GSE1: variants seen among roughly 807,000 people sequenced by gnomAD.
The protein encoded by GSE1 is genetic suppressor element 1.
A neutral mutation model predicts 112.6 loss-of-function variants in GSE1; 32 were observed. That is an observed-to-expected ratio of 0.28 (90% CI 0.21 to 0.38). GSE1 has a LOEUF of 0.38. Ranked by LOEUF, GSE1 falls within the 10% of genes least tolerant of loss-of-function variation. GSE1 has a pLI of 1.00. For missense variants in GSE1, 2,348 were observed against 1,699.2 expected (o/e 1.38, Z -6.71); for synonymous variants, 1,115 against 735.6 (o/e 1.52, Z -8.35).
At chr16:85,295,512 C>T (rs1316403696) in intron 1 of GSE1, among the ~76,000 whole-genome samples, 1 of 152,256 alleles carries the variant, frequency 6.6e-6, no homozygotes, top group Non-Finnish European at 1.5e-5. Context: ...GCTGTCACGT[C>T]CATGCAGAAG....
intron 2 of GSE1, among the ~76,000 whole-genome samples, chr16:85,637,994 A>G (rs2050142551): frequency 6.6e-6 from 1 of 152,124 alleles, no homozygotes; most frequent in Non-Finnish European, 1.5e-5. Flanking sequence ...GAGCTGGCGC[A>G]CCCAGGGAAC....
chr16:85,414,151 C>T (rs59908020), intron 2 of GSE1, among the ~76,000 whole-genome samples: 4,270 of 152,264 alleles, frequency 0.028, 205 homozygotes, highest in African/African-American at 0.097. Context: ...CCCCATGGGC[C>T]CACGCTCCCC....
At chr16:85,238,178 C>G (rs1020125168) in intron 1 of GSE1, among the ~76,000 whole-genome samples, 1 of 152,152 alleles carries the variant, frequency 6.6e-6, no homozygotes, top group Non-Finnish European at 1.5e-5. Context: ...GAGGTGGCGT[C>G]CTGCTATTGA....
rs1178277693 is a variant in GSE1 at position 85,661,710 on chromosome 16, G to C, written c.2205G>C (p.Arg735Ser). The change falls in exon 9 of 16, where the codon AGG (arginine) becomes AGC (serine). Residue 735 changes from arginine to serine, a missense_variant. Physicochemically the swap from Arg to Ser is moderately radical, Grantham distance 110. Transcript: ENST00000253458. ...IYDEFLQQRR[R>S]LVSKLDLEER... ...ATGAGTTCCTGCAGCAGCGCCGGAG[G>C]CTGGTCAGCAAGCTGGACCTGGAGG... 1.3e-6 allele frequency: 2 copies of C among 1,594,996 alleles called. No individual in the cohort carries two copies. The highest frequency in any genetic ancestry group is 1.7e-6 in the Non-Finnish European group (2 of 1,170,928).
chr16:85,487,808 T>C (rs1457877287), intron 2 of GSE1, among the ~76,000 whole-genome samples: 1 of 152,224 alleles, frequency 6.6e-6, no homozygotes, highest in African/African-American at 2.4e-5. Context: ...AAGGCAGGCA[T>C]CTGTGTGACC....
At chr16:85,386,761 C>T (rs187380497) in intron 2 of GSE1, among the ~76,000 whole-genome samples, 2 of 152,350 alleles carry the variant, frequency 1.3e-5, no homozygotes, top group East Asian at 1.9e-4. Flanking sequence ...AACAGCTCCC[C>T]CGCCATGCTG....
At chr16:85,516,114 A>G (rs990370111) in intron 2 of GSE1, among the ~76,000 whole-genome samples, 6 of 152,164 alleles carry the variant, frequency 3.9e-5, no homozygotes, top group African/African-American at 1.4e-4. Context: ...GCTTCCCCAG[A>G]GCTAAGTCTG....
exon 1 of GSE1, chr16:85,171,446 C>T: frequency 1.0e-6 from 1 of 985,530 alleles, no homozygotes. Flanking sequence ...GTGGACTCCA[C>T]CGGCCTGGTG....
chr16:85,189,938 T>C (rs1189717302), intron 1 of GSE1, among the ~76,000 whole-genome samples: 1 of 152,204 alleles, frequency 6.6e-6, no homozygotes, highest in Non-Finnish European at 1.5e-5. Context: ...TCCCAAAAGG[T>C]TTATATTTTA....
At chr16:85,423,397 T>A (rs573589153) in intron 2 of GSE1, among the ~76,000 whole-genome samples, 22 of 152,244 alleles carry the variant, frequency 1.4e-4, no homozygotes, top group African/African-American at 4.8e-4. Context: ...GCACCTGAGA[T>A]CCCTGGAGGG....
At chr16:85,261,406 C>T (rs1335314618) in intron 1 of GSE1, among the ~76,000 whole-genome samples, 1 of 152,218 alleles carries the variant, frequency 6.6e-6, no homozygotes, top group African/African-American at 2.4e-5. Flanking sequence ...TGAGCTGTGC[C>T]TGACTTCTGG....
chr16:85,403,700 G>A (rs1158018717), intron 2 of GSE1, among the ~76,000 whole-genome samples: 1 of 152,144 alleles, frequency 6.6e-6, no homozygotes, highest in East Asian at 1.9e-4. Context: ...TATGTGGGAG[G>A]CTGAGACGGG....
intron 2 of GSE1, among the ~76,000 whole-genome samples, chr16:85,451,391 T>C (rs1378003967): frequency 2.6e-5 from 4 of 152,208 alleles, no homozygotes; most frequent in Admixed American, 2.6e-4. Flanking sequence ...TTGAGACCCA[T>C]CTAAGTTGGT....
intron 1 of GSE1, among the ~76,000 whole-genome samples, chr16:85,304,609 T>TGGGGGGGGGGGG (rs34644508): frequency 1.8e-5 from 2 of 110,938 alleles, no homozygotes; most frequent in Non-Finnish European, 3.7e-5. Context: ...GGCGGGGGGG[T>TGGGGGGGGGGGG]GGGGCATCCC....
At chr16:85,636,815 G>A (rs1342746730) in intron 2 of GSE1, among the ~76,000 whole-genome samples, 2 of 152,176 alleles carry the variant, frequency 1.3e-5, no homozygotes, top group Non-Finnish European at 2.9e-5. Flanking sequence ...GGCGTTGGGC[G>A]CACAAAAGGG....
intron 1 of GSE1, among the ~76,000 whole-genome samples, chr16:85,268,618 GC>G (rs1908506695): frequency 6.6e-6 from 1 of 152,166 alleles, no homozygotes; most frequent in South Asian, 2.1e-4. Flanking sequence ...GGCCTGTGAG[GC>G]TGGCCTGGGG....
At chr16:85,491,637 T>C (rs1302508836) in intron 2 of GSE1, among the ~76,000 whole-genome samples, 2 of 151,954 alleles carry the variant, frequency 1.3e-5, no homozygotes, top group Non-Finnish European at 2.9e-5. Context: ...ATGGCCCGCC[T>C]GAGGAGTCAG....
At chr16:85,481,432 C>G (rs2050678811) in intron 2 of GSE1, among the ~76,000 whole-genome samples, 1 of 152,094 alleles carries the variant, frequency 6.6e-6, no homozygotes. Flanking sequence ...TAGGAGTTTT[C>G]TAGAAGGAGG....
intron 2 of GSE1, among the ~76,000 whole-genome samples, chr16:85,468,918 G>T (rs957415519): frequency 1.3e-5 from 2 of 152,212 alleles, no homozygotes; most frequent in South Asian, 2.1e-4. Context: ...TTCTTTGCAG[G>T]TGTAATTAAT....
Sources: gnomAD v4.1 joint callset for allele counts (sites outside exome capture counted in the v4.1 genomes callset) on GRCh38, gnomAD v4.1.1 for gene constraint, MANE v1.5 for transcripts, NCBI Gene and HGNC (gene_info 2026-07-23, HGNC 2026-07-21) for gene names.